The following GRIK2 variants were observed in gnomAD, a reference collection of about 807,000 sequenced individuals.
GRIK2 encodes glutamate receptor ionotropic, kainate 2.
GRIK2 carries 32 observed loss-of-function variants against 100.3 expected under a neutral mutation model. That is an observed-to-expected ratio of 0.32 (90% confidence interval 0.24 to 0.43). The LOEUF is 0.43. Among genes scored for constraint, GRIK2 ranks in the 20% least tolerant of loss-of-function variants. The pLI is 1.00. For missense variants in GRIK2, 843 were observed against 1,114.9 expected (o/e 0.76, Z 3.47); for synonymous variants, 417 against 389.4 (o/e 1.07, Z -0.83).
chr6:101,941,783 G>C (rs1478641703), intron 14 of GRIK2, among the ~76,000 whole-genome samples: 1 of 152,070 alleles, frequency 6.6e-6, no homozygotes, highest in Non-Finnish European at 1.5e-5. Context: ...ATTGCCCATA[G>C]TTTACAATAG....
intron 15 of GRIK2, among the ~76,000 whole-genome samples, chr6:102,046,877 C>T (rs1019444643): frequency 6.6e-6 from 1 of 151,944 alleles, no homozygotes; most frequent in African/African-American, 2.4e-5. Context: ...CTGACCACAA[C>T]AGTATGAAAC....
At chr6:101,422,238 C>T (rs1465880995) in intron 2 of GRIK2, among the ~76,000 whole-genome samples, 1 of 152,138 alleles carries the variant, frequency 6.6e-6, no homozygotes, top group Non-Finnish European at 1.5e-5. Context: ...CATTCCTCTG[C>T]TTTAACTGAG....
In GRIK2 at chr6:101,682,901, G is replaced by T. The variant is rs570973819; in HGVS notation, c.777+295G>T. 2.6e-5 allele frequency among the ~76,000 whole-genome samples: 4 copies of T among 152,172 alleles called. No individual in the cohort carries two copies. The South Asian group carries it at 8.3e-4, about 32-fold the overall frequency. ...GAAATTAGTTTCCTGAGAAATCAGT[G>T]CTTTAGAAAAGCGCAAATTCAGCCG... On this transcript the variant is annotated intron_variant, in intron 6 of 16. Coordinates refer to ENST00000369134, the MANE Select transcript of GRIK2 (RefSeq NM_021956.5).
intron 2 of GRIK2, among the ~76,000 whole-genome samples, chr6:101,522,870 C>T (rs1005732831): frequency 6.6e-6 from 1 of 151,384 alleles, no homozygotes; most frequent in Non-Finnish European, 1.5e-5. Context: ...TCCACATTAA[C>T]TGGCAAACAG....
At chr6:101,817,961 A>T (rs1267731583) in intron 9 of GRIK2, among the ~76,000 whole-genome samples, 1 of 152,078 alleles carries the variant, frequency 6.6e-6, no homozygotes, top group East Asian at 1.9e-4. Context: ...GGATCCCTAG[A>T]TTTTGCGCTG....
chr6:101,739,083 A>G (rs1470972199), intron 7 of GRIK2, among the ~76,000 whole-genome samples: 2 of 152,206 alleles, frequency 1.3e-5, no homozygotes, highest in Non-Finnish European at 2.9e-5. Context: ...AGCCTGATGT[A>G]TTACTTACAT....
chr6:101,807,735 G>T (rs1355620712), intron 9 of GRIK2, among the ~76,000 whole-genome samples: 1 of 151,910 alleles, frequency 6.6e-6, no homozygotes, highest in African/African-American at 2.4e-5. Flanking sequence ...TTGGGAAACT[G>T]GAAGTAATAG....
At chr6:101,601,700 T>C (rs1779220293) in intron 2 of GRIK2, among the ~76,000 whole-genome samples, 1 of 151,974 alleles carries the variant, frequency 6.6e-6, no homozygotes, top group Non-Finnish European at 1.5e-5. Flanking sequence ...TTCCTATAGA[T>C]TTTTTAGTTT....
intron 14 of GRIK2, among the ~76,000 whole-genome samples, chr6:101,933,860 A>T (rs1790445846): frequency 6.6e-6 from 1 of 151,938 alleles, no homozygotes; most frequent in Non-Finnish European, 1.5e-5. Flanking sequence ...ATTGATTTTG[A>T]AGTGTAGGTA....
intron 10 of GRIK2, among the ~76,000 whole-genome samples, chr6:101,821,193 A>G (rs1199882302): frequency 6.6e-6 from 1 of 152,172 alleles, no homozygotes; most frequent in Non-Finnish European, 1.5e-5. Flanking sequence ...GATTAAGAGT[A>G]CCCATATAAT....
At chr6:101,397,249 T>G (rs558122648) in intron 1 of GRIK2, among the ~76,000 whole-genome samples, 37 of 152,290 alleles carry the variant, frequency 2.4e-4, no homozygotes, top group Admixed American at 1.3e-3. Context: ...AAGGATTATT[T>G]TTTTCCCCTG....
At chr6:101,577,748 G>A (rs1219440200) in intron 2 of GRIK2, among the ~76,000 whole-genome samples, 1 of 152,056 alleles carries the variant, frequency 6.6e-6, no homozygotes, top group African/African-American at 2.4e-5. Context: ...TATTACCCAG[G>A]TCTCTCCTTA....
At chr6:101,602,361 T>G (rs1320912078) in intron 2 of GRIK2, among the ~76,000 whole-genome samples, 2 of 151,484 alleles carry the variant, frequency 1.3e-5, no homozygotes, top group African/African-American at 4.8e-5. Flanking sequence ...GTGTTTGGTC[T>G]TAGAGTATGT....
At chr6:102,046,567 T>A (rs1029050134) in intron 15 of GRIK2, among the ~76,000 whole-genome samples, 22 of 152,102 alleles carry the variant, frequency 1.4e-4, no homozygotes, top group African/African-American at 5.3e-4. Flanking sequence ...TGATTGTAAG[T>A]TTCCTGAGGC....
At chr6:101,950,828 T>C (rs939096413) in intron 14 of GRIK2, among the ~76,000 whole-genome samples, 2 of 152,096 alleles carry the variant, frequency 1.3e-5, no homozygotes, top group African/African-American at 4.8e-5. Flanking sequence ...TCTACAAAGG[T>C]GAAGGATAAC....
intron 9 of GRIK2, among the ~76,000 whole-genome samples, chr6:101,806,907 T>G (rs1781040819): frequency 6.6e-6 from 1 of 151,794 alleles, no homozygotes; most frequent in South Asian, 2.1e-4. Flanking sequence ...ATAAAAGGGC[T>G]ATCTCCCTAG....
intron 2 of GRIK2, among the ~76,000 whole-genome samples, chr6:101,608,455 T>G (rs957243185): frequency 6.6e-6 from 1 of 151,914 alleles, no homozygotes; most frequent in East Asian, 1.9e-4. Flanking sequence ...CTAGTAAAAT[T>G]TGTCTAATTC....
intron 2 of GRIK2, among the ~76,000 whole-genome samples, chr6:101,542,694 G>A (rs1310654846): frequency 3.3e-5 from 5 of 152,070 alleles, no homozygotes; most frequent in African/African-American, 1.2e-4. Flanking sequence ...GCCATTTGGA[G>A]CTTTTTGGAA....
At chr6:101,844,133 T>C (rs900888702) in intron 10 of GRIK2, among the ~76,000 whole-genome samples, 5 of 152,164 alleles carry the variant, frequency 3.3e-5, no homozygotes, top group Non-Finnish European at 7.4e-5. Flanking sequence ...TATTGGATGA[T>C]AATTTGAAAG....
Sources: allele counts gnomAD v4.1 joint callset (sites outside exome capture counted in the v4.1 genomes callset), GRCh38; gene constraint gnomAD v4.1.1; transcripts MANE v1.5; gene names NCBI Gene and HGNC (gene_info 2026-07-23, HGNC 2026-07-21).